The following BSDC1 variants were observed in gnomAD, a reference collection of about 807,000 sequenced individuals.
The protein encoded by BSDC1 is BSD domain containing 1.
BSDC1 carries 29 observed loss-of-function variants against 56.0 expected under a neutral mutation model. The observed-to-expected ratio is 0.52, with a 90% CI of 0.39 to 0.71. The LOEUF is 0.71. BSDC1 is among the 30% of genes least tolerant of loss of function. The probability of loss-of-function intolerance (pLI) is 0.00; values close to 1 mark genes in which losing one functional copy is unlikely to be tolerated. For synonymous variants in BSDC1, 210 were observed against 215.3 expected, an observed-to-expected ratio of 0.98 and a Z score of 0.21; for missense variants, 477 against 548.5, an observed-to-expected ratio of 0.87 and a Z score of 1.30.
At chr1:32,376,214 G>A in intron 9 of BSDC1, 48 bp downstream of exon 9, 1 of 1,406,122 alleles carries the variant, frequency 7.1e-7, no homozygotes, top group Non-Finnish European at 9.3e-7. Flanking sequence ...GCCTCAGGAG[G>A]TGGCCCTGAC....
intron 9 of BSDC1, among the ~76,000 whole-genome samples, chr1:32,370,269 C>T (rs1026001568): frequency 2.0e-5 from 3 of 152,184 alleles, no homozygotes; most frequent in Admixed American, 6.5e-5. Context: ...TGAGCCACTG[C>T]GCCTGGCTCT....
intron 3 of BSDC1, among the ~76,000 whole-genome samples, chr1:32,386,110 G>A (rs1642656057): frequency 6.6e-6 from 1 of 152,114 alleles, no homozygotes; most frequent in Non-Finnish European, 1.5e-5. Flanking sequence ...ACAAGGTCAG[G>A]AGATCGAGAC....
intron 4 of BSDC1, among the ~76,000 whole-genome samples, chr1:32,381,893 G>A (rs1051988285): frequency 5.3e-5 from 8 of 152,192 alleles, no homozygotes; most frequent in African/African-American, 1.9e-4. Context: ...TAATGCTAGT[G>A]CTAAAACACA....
At chr1:32,381,119 C>T in intron 5 of BSDC1, 95 bp downstream of exon 5, 2 of 1,230,208 alleles carry the variant, frequency 1.6e-6, no homozygotes, top group South Asian at 2.5e-5. Flanking sequence ...ATAGGGGGTG[C>T]CCGGCCTCTG....
intron 2 of BSDC1, among the ~76,000 whole-genome samples, chr1:32,390,673 G>A (rs187016492): frequency 4.2e-4 from 64 of 152,292 alleles, no homozygotes; most frequent in Non-Finnish European, 7.5e-4. Context: ...CACTTTGGGA[G>A]ACCAAGGTGG....
At chr1:32,369,435 G>C in intron 9 of BSDC1, 2 of 464,062 alleles carry the variant, frequency 4.3e-6, no homozygotes, top group South Asian at 1.9e-5. Context: ...CTTGAGCCCA[G>C]GAGTTCAAGG....
chr1:32,393,951 A>G (rs1642957271), intron 2 of BSDC1, 129 bp downstream of exon 2: 2 of 839,068 alleles, frequency 2.4e-6, no homozygotes, highest in Non-Finnish European at 3.8e-6. Context: ...AGAGGCTAAA[A>G]GAAAGGCCCA....
chr1:32,384,857 G>GA lies in BSDC1; in HGVS notation c.190-861dup, dbSNP rs896192154. 2.3e-4 allele frequency among the ~76,000 whole-genome samples: 34 copies of GA among 147,076 alleles called. 1 individual carries two copies. The highest frequency in any genetic ancestry group is 1.7e-3 in the South Asian group (8 of 4,658). On this transcript the variant is annotated intron_variant, in intron 3 of 10. Transcript: ENST00000455895. ...TTACAGGTAACAATATTTGTTGAAT[G>GA]AAAAAAAAAAGAATAAATGAATGAA...
rs1396977528 is a variant in BSDC1, at chr1:32,376,566, G to A, written c.852C>T (p.Ser284=). The change falls in exon 9 of 11, where the codon TCC becomes TCT. Residue 284 remains serine (S), a synonymous_variant. Transcript: ENST00000455895. Reference sequence around the variant, plus strand: ...CCGGGTTGGCGATCTGTGTCACGAGGGAGATGCTCTCACTGCTCTCTGATG... The same window carrying A: ...CCGGGTTGGCGATCTGTGTCACGAGAGAGATGCTCTCACTGCTCTCTGATG... ...VTPSESSESI[S]LVTQIANPAT... 2 of 1,533,260 alleles carry A rather than the reference G, an allele frequency of 1.3e-6. No individual in the cohort carries two copies. Among genetic ancestry groups the A allele is most frequent in the African/African-American group, 1.4e-5 (1 of 73,558 alleles). 95.0% of individuals were successfully genotyped at this position (1,533,260 alleles called of 1,614,324 possible).
rs542391570 is a variant in BSDC1, at chr1:32,371,561, C to T, written c.1157-3011G>A. Among the ~76,000 whole-genome samples, 3 of 152,130 alleles carry T rather than the reference C, an allele frequency of 2.0e-5. No individual in the cohort carries two copies. In the East Asian group the frequency reaches 5.8e-4, roughly 29 times the overall value. On this transcript the variant is annotated intron_variant, in intron 9 of 10. Coordinates refer to ENST00000455895, the MANE Select transcript of BSDC1 (RefSeq NM_018045.8). ...TCCTGACCTCGTGATCTGCCCGCCTCGGCTTCCCAAAGTGCTGAGATTACA... is the reference window on the plus strand; with the variant it reads ...TCCTGACCTCGTGATCTGCCCGCCTTGGCTTCCCAAAGTGCTGAGATTACA...
intron 10 of BSDC1, chr1:32,368,025 T>A (rs1310714758): frequency 1.7e-6 from 2 of 1,191,888 alleles, no homozygotes; most frequent in African/African-American, 3.1e-5. Flanking sequence ...GTCTGTTTTC[T>A]TTTTTCCTTT....
chr1:32,368,616 A>G (rs954860813), intron 9 of BSDC1, 66 bp from the exon 10 acceptor site: 64 of 1,602,126 alleles, frequency 4.0e-5, no homozygotes, highest in African/African-American at 6.7e-5. Flanking sequence ...AAGAGGGTGT[A>G]GCTGGGGAGA....
At chr1:32,370,629 C>T (rs1642041755) in intron 9 of BSDC1, among the ~76,000 whole-genome samples, 1 of 151,526 alleles carries the variant, frequency 6.6e-6, no homozygotes, top group South Asian at 2.1e-4. Context: ...TGGTGAAACC[C>T]CATCTCTACT....
chr1:32,394,340 G>GC lies in BSDC1; in HGVS notation c.11+63dup. 3 of 1,612,550 alleles carry GC rather than the reference G, an allele frequency of 1.9e-6. No homozygotes were observed. In the South Asian group the frequency reaches 3.3e-5, roughly 18 times the overall value. On this transcript the variant is annotated intron_variant, in intron 1 of 10. Transcript: ENST00000455895. ...TCTCACGTTCCCCACCGGGACTCTC[G>GC]CCCAGCACCCCAACCCTGGGAGAAT...
chr1:32,378,435 G>A lies in BSDC1; in HGVS notation c.529-152C>T. The stretch of plus-strand genomic sequence containing the variant: ...TCAGAGCACTTCCACCCCCACCAAA[G>A]TTTCAGCCAGACCCACCTTCCTAGT... On this transcript the variant is annotated intron_variant, in intron 6 of 10. Coordinates refer to ENST00000455895, the MANE Select transcript of BSDC1 (RefSeq NM_018045.8). The surrounding 1 kb of genome is among the most constrained non-coding windows in gnomAD (Gnocchi z 5.2). The A allele has an allele frequency of 2.5e-6, 2 of 789,202 alleles. No individual in the cohort carries two copies. Among genetic ancestry groups the A allele is most frequent in the Admixed American group, 4.6e-5 (2 of 43,252 alleles). The allele number at this position is 789,202 out of a possible 1,614,324, so 48.9% of individuals were successfully genotyped here.
In BSDC1 at chr1:32,378,329, TG is replaced by T; in HGVS notation, c.529-47del. On this transcript the variant is annotated intron_variant, in intron 6 of 10. Coordinates refer to ENST00000455895, the MANE Select transcript of BSDC1 (RefSeq NM_018045.8). The surrounding 1 kb of genome is among the most constrained non-coding windows in gnomAD (Gnocchi z 5.2). ...AGGTGAGACTTTGGGAGTGTTTGTG[TG>T]GGGTCTGTGTCCCCAGCCTTATCAG... 1 of 1,574,794 alleles carries T rather than the reference TG, an allele frequency of 6.4e-7. No individual in the cohort carries two copies. Among genetic ancestry groups the T allele is most frequent in the Non-Finnish European group, 8.7e-7 (1 of 1,144,674 alleles).
At chr1:32,388,996 C>T (rs1453519040) in intron 2 of BSDC1, among the ~76,000 whole-genome samples, 1 of 150,604 alleles carries the variant, frequency 6.6e-6, no homozygotes, top group Non-Finnish European at 1.5e-5. Context: ...GCTCTGTTAC[C>T]CAGGCTGGAG....
At chr1:32,380,843 T>C (rs1455924025) in intron 5 of BSDC1, among the ~76,000 whole-genome samples, 5 of 152,040 alleles carry the variant, frequency 3.3e-5, no homozygotes, top group African/African-American at 2.4e-5. Flanking sequence ...TCCTGGAGGG[T>C]TGGACTAGGT....
chr1:32,389,811 C>A (rs916532578), intron 2 of BSDC1, among the ~76,000 whole-genome samples: 6 of 150,692 alleles, frequency 4.0e-5, no homozygotes, highest in Non-Finnish European at 8.9e-5. Flanking sequence ...CACACACACA[C>A]AAATACAAAA....
Sources: allele counts gnomAD v4.1 joint callset (sites outside exome capture counted in the v4.1 genomes callset), GRCh38; gene constraint gnomAD v4.1.1; non-coding constraint Gnocchi (gnomAD v3.1); transcripts MANE v1.5; gene names NCBI Gene and HGNC (gene_info 2026-07-23, HGNC 2026-07-21).